CMSS1: variants seen among roughly 807,000 people sequenced by gnomAD.
CMSS1 encodes protein CMSS1.
A neutral mutation model predicts 43.5 loss-of-function variants in CMSS1; 33 were observed. The ratio of observed to expected loss-of-function variants is 0.76; its 90% CI spans 0.57 to 1.01. The LOEUF (loss-of-function observed/expected upper bound fraction) is 1.01, where lower values mean the gene tolerates loss of function less well. CMSS1 is among the 50% of genes least tolerant of loss of function. The pLI is 0.00. For missense variants in CMSS1, 313 were observed against 326.4 expected, an observed-to-expected ratio of 0.96 and a Z score of 0.32; for synonymous variants, 115 against 117.2, an observed-to-expected ratio of 0.98 and a Z score of 0.12.
At chr3:100,030,227 TTTTGA>T (rs2065000899) in intron 1 of CMSS1, among the ~76,000 whole-genome samples, 2 of 152,120 alleles carry the variant, frequency 1.3e-5, no homozygotes, top group African/African-American at 4.8e-5. Context: ...TTTTTGGGCA[TTTTGA>T]CTGTATAGTA....
intron 1 of CMSS1, among the ~76,000 whole-genome samples, chr3:99,899,649 G>A (rs988482206): frequency 6.6e-6 from 1 of 152,134 alleles, no homozygotes; most frequent in Non-Finnish European, 1.5e-5. Context: ...AAAGTACACT[G>A]TTCCTGAAAT....
chr3:100,173,000 T>C (rs2067122512), intron 8 of CMSS1, among the ~76,000 whole-genome samples: 1 of 152,210 alleles, frequency 6.6e-6, no homozygotes, highest in Non-Finnish European at 1.5e-5. Flanking sequence ...ATGATTTCTT[T>C]TCAATACTTA....
chr3:99,916,437 TACACACACAC>T (rs10529210), intron 1 of CMSS1, among the ~76,000 whole-genome samples: 16,087 of 137,072 alleles, frequency 0.12, 1,033 homozygotes, highest in East Asian at 0.17. Flanking sequence ...TAACGGTTTA[TACACACACAC>T]ACACACACAC....
In CMSS1 at chr3:100,114,993, A is replaced by G. The variant is rs1293573601; in HGVS notation, c.65-31980A>G. Reference sequence around the variant, plus strand: ...AAACTCTAGAGCAACATCGGAATGCATGGTGGTATGTTTATTATTATTATT... The same window carrying G: ...AAACTCTAGAGCAACATCGGAATGCGTGGTGGTATGTTTATTATTATTATT... On this transcript the variant is annotated intron_variant, in intron 1 of 9. Coordinates refer to ENST00000421999, the MANE Select transcript of CMSS1 (RefSeq NM_032359.4). 1.3e-6 allele frequency: 2 copies of G among 1,520,374 alleles called. 1 individual carries two copies. The highest frequency in any genetic ancestry group is 2.4e-5 in the South Asian group (2 of 83,686). The allele number at this position is 1,520,374 out of a possible 1,614,324, so 94.2% of individuals were successfully genotyped here.
chr3:100,123,080 T>G (rs1200234627), intron 1 of CMSS1, among the ~76,000 whole-genome samples: 1 of 152,146 alleles, frequency 6.6e-6, no homozygotes, highest in Non-Finnish European at 1.5e-5. Flanking sequence ...AAGGATCAAA[T>G]AAAAACAAGG....
chr3:100,006,862 TAA>T (rs1710003090), intron 1 of CMSS1, among the ~76,000 whole-genome samples: 1 of 152,246 alleles, frequency 6.6e-6, no homozygotes, highest in Admixed American at 6.5e-5. Context: ...ATTTGATTAC[TAA>T]ACCACTGCAA....
At chr3:100,017,435 C>G (rs1056151273) in intron 1 of CMSS1, among the ~76,000 whole-genome samples, 1 of 152,204 alleles carries the variant, frequency 6.6e-6, no homozygotes, top group African/African-American at 2.4e-5. Context: ...TTCTTCAGCA[C>G]CACTTTATCC....
At chr3:99,940,803 A>G (rs1187673267) in intron 1 of CMSS1, among the ~76,000 whole-genome samples, 2 of 152,250 alleles carry the variant, frequency 1.3e-5, no homozygotes, top group Non-Finnish European at 2.9e-5. Context: ...ACCCAGCCTA[A>G]TAAGGACCTT....
intron 1 of CMSS1, among the ~76,000 whole-genome samples, chr3:99,978,991 C>G (rs1709046745): frequency 1.3e-5 from 2 of 152,018 alleles, no homozygotes; most frequent in Admixed American, 1.3e-4. Flanking sequence ...AAAATTACGG[C>G]TAGATAAAAG....
chr3:99,925,832 T>C, intron 1 of CMSS1: 1 of 985,368 alleles, frequency 1.0e-6, no homozygotes, highest in Non-Finnish European at 1.2e-6. Context: ...CACAGTCAGA[T>C]GGAGTTAGAC....
At position 100,144,410 on chromosome 3, in the gene CMSS1, G is replaced by T. The variant is rs545261460; in HGVS notation, c.65-2563G>T. Among the ~76,000 whole-genome samples the T allele has an allele frequency of 4.6e-5, 7 of 152,292 alleles. No individual in the cohort carries two copies. In the South Asian group the frequency reaches 1.5e-3, roughly 32 times the overall value. On this transcript the variant is annotated intron_variant, in intron 1 of 9. Transcript: ENST00000421999. ...CAGCCAGGAGGGGATGGAAGTCCAG[G>T]CTCCTCATGTGGTCACCATTGATAC...
intron 9 of CMSS1, among the ~76,000 whole-genome samples, chr3:100,176,841 C>G (rs2067151718): frequency 6.6e-6 from 1 of 152,146 alleles, no homozygotes; most frequent in African/African-American, 2.4e-5. Context: ...TCCCAAGAAC[C>G]CACTTACTTA....
At chr3:99,930,818 G>C (rs749389913) in intron 1 of CMSS1, 1 of 1,612,560 alleles carries the variant, frequency 6.2e-7, no homozygotes, top group Non-Finnish European at 8.5e-7. Flanking sequence ...GTCATCTCTT[G>C]AGAGGTCTTC....
chr3:99,940,455 C>T (rs1043478097), intron 1 of CMSS1, among the ~76,000 whole-genome samples: 2 of 152,086 alleles, frequency 1.3e-5, no homozygotes, highest in Non-Finnish European at 2.9e-5. Context: ...AATTTTTGTC[C>T]GTTTGGACCT....
At chr3:99,914,428 T>A (rs1426928468) in intron 1 of CMSS1, among the ~76,000 whole-genome samples, 1 of 152,202 alleles carries the variant, frequency 6.6e-6, no homozygotes, top group African/African-American at 2.4e-5. Flanking sequence ...GTTTTTGATA[T>A]GTTAGATTTT....
intron 1 of CMSS1, among the ~76,000 whole-genome samples, chr3:100,074,220 G>GC (rs898327840): frequency 6.6e-6 from 1 of 152,158 alleles, no homozygotes; most frequent in Non-Finnish European, 1.5e-5. Context: ...AAATCTGACA[G>GC]CCCCCCTGGG....
At chr3:100,110,579 TA>T (rs910628552) in intron 1 of CMSS1, among the ~76,000 whole-genome samples, 1 of 151,986 alleles carries the variant, frequency 6.6e-6, no homozygotes, top group Non-Finnish European at 1.5e-5. Context: ...AGGAAGAACG[TA>T]AAAAAAGAAA....
At chr3:100,129,908 T>C (rs1240321552) in intron 1 of CMSS1, among the ~76,000 whole-genome samples, 4 of 152,228 alleles carry the variant, frequency 2.6e-5, no homozygotes, top group African/African-American at 9.6e-5. Context: ...GCTTCAACTT[T>C]ACTTTTCTTT....
At chr3:99,921,557 T>C (rs1219107371) in intron 1 of CMSS1, among the ~76,000 whole-genome samples, 1 of 152,206 alleles carries the variant, frequency 6.6e-6, no homozygotes, top group East Asian at 1.9e-4. Context: ...ATTCAAAGAA[T>C]TCCATCTGGA....
Sources: allele counts gnomAD v4.1 joint callset (sites outside exome capture counted in the v4.1 genomes callset), GRCh38; gene constraint gnomAD v4.1.1; transcripts MANE v1.5; gene names NCBI Gene and HGNC (gene_info 2026-07-23, HGNC 2026-07-21).